The following PCLO variants were observed in gnomAD, a reference collection of about 807,000 sequenced individuals.
The protein encoded by PCLO is piccolo presynaptic cytomatrix protein.
In PCLO, 82 loss-of-function variants were observed where a neutral mutation model predicts 427.5. The observed-to-expected ratio is 0.19, with a 90% confidence interval of 0.16 to 0.23. The LOEUF (loss-of-function observed/expected upper bound fraction) is 0.23. PCLO is among the 10% of genes least tolerant of loss of function. The pLI, the probability that PCLO is intolerant of heterozygous loss-of-function variation, is 1.00. For synonymous variants in PCLO, 2,357 were observed against 2,155.4 expected (o/e 1.09, Z -2.59); for missense variants, 6,239 against 6,115.9 (o/e 1.02, Z -0.67).
At chr7:82,925,776 G>A (rs1318894091) in intron 6 of PCLO, among the ~76,000 whole-genome samples, 1 of 138,050 alleles carries the variant, frequency 7.2e-6, no homozygotes, top group Admixed American at 7.7e-5. Context: ...CTGAAGTGCA[G>A]TGGTGCGGTC....
At chr7:82,760,366 C>A in intron 24 of PCLO, among the ~76,000 whole-genome samples, 1 of 151,582 alleles carries the variant, frequency 6.6e-6, no homozygotes, top group East Asian at 1.9e-4. Flanking sequence ...AAGATGGGGG[C>A]CCAAAAAGGT....
intron 3 of PCLO, among the ~76,000 whole-genome samples, chr7:83,025,037 A>C (rs1279243259): frequency 1.3e-5 from 2 of 152,154 alleles, no homozygotes; most frequent in Non-Finnish European, 2.9e-5. Flanking sequence ...AACTCTAAAA[A>C]GTAGAGCGCC....
In PCLO at chr7:82,952,792, A is replaced by T. The variant is rs1327206646; in HGVS notation, c.8161T>A (p.Leu2721Met). 1 of 1,613,610 alleles carries T rather than the reference A, an allele frequency of 6.2e-7. No homozygotes were observed. Among genetic ancestry groups the T allele is most frequent in the Admixed American group, 1.7e-5 (1 of 59,976 alleles). Reference sequence around the variant, plus strand: ...TCAATTACATCACCAACAAGTTGCAATTTTCCATCTTCTTTATACTGAGGC... The same window carrying T: ...TCAATTACATCACCAACAAGTTGCATTTTTCCATCTTCTTTATACTGAGGC... The part of the protein sequence containing the change: ...EKPQYKEDGK[L>M]QLVGDVIDLR... Residue 2721 changes from leucine (L) to methionine (M), a missense_variant, in exon 5 of 25, where the codon TTG becomes ATG. Around this residue, in one of 5 missense-constraint regions of PCLO, gnomAD observed 4,677 missense variants for 4,468.4 expected, o/e 1.05. Coordinates refer to ENST00000333891, the MANE Select transcript of PCLO (RefSeq NM_033026.6).
At chr7:83,068,255 T>C (rs752542914) in intron 3 of PCLO, among the ~76,000 whole-genome samples, 3 of 152,088 alleles carry the variant, frequency 2.0e-5, no homozygotes, top group South Asian at 2.1e-4. Context: ...ATATTGAAAG[T>C]ATCATAGTTA....
intron 2 of PCLO, among the ~76,000 whole-genome samples, chr7:83,145,873 T>C (rs1791982309): frequency 6.6e-6 from 1 of 152,184 alleles, no homozygotes; most frequent in South Asian, 2.1e-4. Flanking sequence ...CTAGGTAGGA[T>C]TCATACCCAC....
intron 22 of PCLO, among the ~76,000 whole-genome samples, chr7:82,774,147 T>C (rs924439359): frequency 6.6e-6 from 1 of 152,188 alleles, no homozygotes; most frequent in Non-Finnish European, 1.5e-5. Flanking sequence ...CTTCCCTTTG[T>C]AGGAGCTCAT....
rs79655638 is a variant in PCLO at position 82,966,965 on chromosome 7, C to T, written c.3301-478G>A. Among the ~76,000 whole-genome samples the T allele has an allele frequency of 9.2e-3, 1,397 of 152,184 alleles. 46 individuals are homozygous for T. The highest frequency in any genetic ancestry group is 0.061 in the East Asian group (314 of 5,178). On this transcript the variant is annotated intron_variant, in intron 3 of 24. Coordinates refer to ENST00000333891, the MANE Select transcript of PCLO (RefSeq NM_033026.6). Reference sequence around the variant, plus strand: ...TAGCCTATTATCTCCTATCTCTTGACTTGGGCCAAATATAGTTCTACCTTT... The same window carrying T: ...TAGCCTATTATCTCCTATCTCTTGATTTGGGCCAAATATAGTTCTACCTTT...
At chr7:82,975,146 C>G (rs1795990159) in intron 3 of PCLO, among the ~76,000 whole-genome samples, 1 of 152,062 alleles carries the variant, frequency 6.6e-6, no homozygotes, top group African/African-American at 2.4e-5. Flanking sequence ...AGCAAAAAAA[C>G]TTAGACTTAA....
intron 2 of PCLO, among the ~76,000 whole-genome samples, chr7:83,145,167 A>G (rs1393964969): frequency 6.6e-6 from 1 of 152,160 alleles, no homozygotes; most frequent in African/African-American, 2.4e-5. Context: ...GGCCCGTCAA[A>G]GTTATGACCT....
Position 82,758,950 on chromosome 7 carries a change from G to A in PCLO, c.15289-235C>T, listed in dbSNP as rs188642831. 2.4e-4 allele frequency among the ~76,000 whole-genome samples: 37 copies of A among 151,924 alleles called. 1 individual carries two copies. Among genetic ancestry groups the A allele is most frequent in the South Asian group, 4.1e-4 (2 of 4,826 alleles). On this transcript the variant is annotated intron_variant, in intron 24 of 24. Coordinates refer to ENST00000333891, the MANE Select transcript of PCLO (RefSeq NM_033026.6). ...ATTTGTATTATTCTGCAAAGGAAAA[G>A]ACACATTCTGAAGAATGTGAGAATA... is the stretch of plus-strand genomic sequence containing the variant.
In PCLO at chr7:82,914,932, G is replaced by C. The variant is rs1794406341; in HGVS notation, c.13054C>G (p.Pro4352Ala). The change falls in exon 7 of 25, where the codon CCA (proline) becomes GCA (alanine). Residue 4352 changes from proline (P) to alanine (A), a missense_variant. Pro to Ala is a conservative substitution (Grantham distance 27). This residue lies in a region of PCLO where 680 missense variants were observed against 677.3 expected (regional missense o/e 1.00). Coordinates refer to ENST00000333891, the MANE Select transcript of PCLO (RefSeq NM_033026.6). ...LPISQSRGRI[P>A]IVAQNSEEES... ...TCTTCAGAATTCTGGGCCACAATTG[G>C]TATTCTTCCTCTACTTTGACTAATT... The C allele has an allele frequency of 1.9e-6, 3 of 1,613,674 alleles. No homozygotes were observed. The highest frequency in any genetic ancestry group is 1.7e-6 in the Non-Finnish European group (2 of 1,179,736).
chr7:82,788,464 C>A (rs1222180936), intron 22 of PCLO, among the ~76,000 whole-genome samples: 1 of 151,834 alleles, frequency 6.6e-6, no homozygotes, highest in African/African-American at 2.4e-5. Flanking sequence ...TCTCAGCGAA[C>A]TTTGTGAAAT....
In PCLO at chr7:82,931,896, G is replaced by A. The variant is rs138863274; in HGVS notation, c.11113-15023C>T. Among the ~76,000 whole-genome samples the A allele has an allele frequency of 1.3e-3, 192 of 152,196 alleles. No individual in the cohort carries two copies. In the East Asian group the frequency reaches 0.014, roughly 11 times the overall value. On this transcript the variant is annotated intron_variant, in intron 6 of 24. Coordinates refer to ENST00000333891, the MANE Select transcript of PCLO (RefSeq NM_033026.6). The stretch of plus-strand genomic sequence containing the variant: ...TATAAGGTCGATTAGGAACCACATA[G>A]AAGCTGTCTACAATGTAACATGAAT...
intron 22 of PCLO, among the ~76,000 whole-genome samples, chr7:82,794,459 C>CTGGTTTTTTTT (rs1554333552): frequency 1.8e-5 from 1 of 56,350 alleles, no homozygotes; most frequent in African/African-American, 4.4e-5. Context: ...AATTTTTTTT[C>CTGGTTTTTTTT]TTTTTTTTTT....
At chr7:83,151,812 T>C (rs1368046415) in intron 2 of PCLO, among the ~76,000 whole-genome samples, 5 of 152,152 alleles carry the variant, frequency 3.3e-5, no homozygotes, top group Admixed American at 1.3e-4. Flanking sequence ...GAATATACTA[T>C]CTGGGTGATC....
chr7:83,011,943 T>C (rs762536122), intron 3 of PCLO, among the ~76,000 whole-genome samples: 3 of 152,228 alleles, frequency 2.0e-5, no homozygotes, highest in Non-Finnish European at 2.9e-5. Flanking sequence ...GAGATGAGTA[T>C]ATAATATCTT....
rs774228359 is a variant in PCLO, at chr7:82,950,910, A to C, written c.9678T>G (p.Ile3226Met). 1.2e-6 allele frequency: 2 copies of C among 1,613,382 alleles called. No homozygotes were observed. Among genetic ancestry groups the C allele is most frequent in the African/African-American group, 1.3e-5 (1 of 75,022 alleles). ...LERELLELEKIKQQRFAEELE... is the reference protein window; with the variant it reads ...LERELLELEKMKQQRFAEELE... The stretch of plus-strand genomic sequence containing the variant: ...ATTCCTCAGCAAAGCGCTGTTGCTT[A>C]ATTTTCTCCAGTTCCAGGAGCTCAC... The change falls in exon 6 of 25, where the codon ATT becomes ATG. Residue 3226 changes from isoleucine to methionine, a missense_variant. This residue lies in a region of PCLO where 4,677 missense variants were observed against 4,468.4 expected (regional missense o/e 1.05). Transcript: ENST00000333891.
chr7:83,020,012 A>C (rs1158717564), intron 3 of PCLO, among the ~76,000 whole-genome samples: 2 of 152,154 alleles, frequency 1.3e-5, no homozygotes, highest in Non-Finnish European at 2.9e-5. Flanking sequence ...ATGAAGAAGA[A>C]TATAATAGTC....
At chr7:83,159,086 A>T (rs1194342473) in intron 1 of PCLO, among the ~76,000 whole-genome samples, 2 of 152,114 alleles carry the variant, frequency 1.3e-5, no homozygotes, top group African/African-American at 4.8e-5. Flanking sequence ...AAGTCTGGCA[A>T]CTAGTAGATG....
Sources: gnomAD v4.1 joint callset for allele counts (sites outside exome capture counted in the v4.1 genomes callset) on GRCh38, gnomAD v4.1.1 for gene constraint, gnomAD v4.1.1 regional missense constraint, MANE v1.5 for transcripts, NCBI Gene and HGNC (gene_info 2026-07-23, HGNC 2026-07-21) for gene names.